Variants in PTPRG observed in about 807,000 individuals in gnomAD.
The protein encoded by PTPRG is receptor-type tyrosine-protein phosphatase gamma.
In PTPRG, 102 loss-of-function variants were observed where a neutral mutation model predicts 165.3. That is an observed-to-expected ratio of 0.62 (90% CI 0.53 to 0.73). The LOEUF is 0.73. Among genes scored for constraint, PTPRG ranks in the 30% least tolerant of loss-of-function variants. The pLI, the probability that PTPRG is intolerant of heterozygous loss-of-function variation, is 0.00. For missense variants in PTPRG, 1,866 were observed against 1,861.4 expected (o/e 1.00, Z -0.05); for synonymous variants, 675 against 669.5 (o/e 1.01, Z -0.13).
intron 10 of PTPRG, 88 bp from the exon 11 acceptor site, chr3:62,201,417 T>C (rs985668013): frequency 2.9e-6 from 3 of 1,048,460 alleles, no homozygotes; most frequent in Non-Finnish European, 4.2e-6. Flanking sequence ...GAAAATTATA[T>C]GTAATTCAGA....
chr3:61,684,569 T>C (rs1269661724), intron 1 of PTPRG, among the ~76,000 whole-genome samples: 1 of 152,068 alleles, frequency 6.6e-6, no homozygotes, highest in African/African-American at 2.4e-5. Context: ...CTAAGCCCAG[T>C]GTGGTTGTTA....
intron 12 of PTPRG, among the ~76,000 whole-genome samples, chr3:62,208,672 T>C (rs1301163802): frequency 6.6e-6 from 1 of 152,192 alleles, no homozygotes. Flanking sequence ...GCTATTCTGC[T>C]TTGAGACAGA....
chr3:61,800,769 G>A (rs1013215863), intron 2 of PTPRG, among the ~76,000 whole-genome samples: 1 of 151,396 alleles, frequency 6.6e-6, no homozygotes, highest in African/African-American at 2.4e-5. Context: ...TCAGCCTCCC[G>A]AGTAGCTGGG....
At chr3:61,732,690 C>G (rs2032555038) in intron 1 of PTPRG, among the ~76,000 whole-genome samples, 1 of 150,992 alleles carries the variant, frequency 6.6e-6, no homozygotes, top group Non-Finnish European at 1.5e-5. Context: ...GCGTGGGTGA[C>G]AGAGCGAGAC....
At chr3:61,810,567 A>G (rs1037969522) in intron 2 of PTPRG, among the ~76,000 whole-genome samples, 1 of 152,166 alleles carries the variant, frequency 6.6e-6, no homozygotes, top group Non-Finnish European at 1.5e-5. Flanking sequence ...CAATAAAGGC[A>G]GCAGTGTGTT....
rs1042619292 is a variant in PTPRG at position 62,228,349 on chromosome 3, C to T, written c.2289-2876C>T. On this transcript the variant is annotated intron_variant, in intron 13 of 29. Transcript: ENST00000474889. This position sits in a 1 kb window ranked among gnomAD's most constrained non-coding sequence, Gnocchi z 4.1. ...CAGCCTGGCCAAAATGGTGAAACCC[C>T]GTCTACTAAAAATACAAAAACAATT... 1.3e-5 allele frequency among the ~76,000 whole-genome samples: 2 copies of T among 151,646 alleles called. No homozygotes were observed. The highest frequency in any genetic ancestry group is 1.9e-4 in the East Asian group (1 of 5,172).
intron 2 of PTPRG, among the ~76,000 whole-genome samples, chr3:61,910,767 C>G (rs1559683655): frequency 1.3e-5 from 2 of 152,192 alleles, no homozygotes; most frequent in African/African-American, 4.8e-5. Context: ...ACAGAACCCC[C>G]TGCCTCTGTT....
chr3:62,085,987 C>T (rs1483728148), intron 5 of PTPRG, among the ~76,000 whole-genome samples: 1 of 152,092 alleles, frequency 6.6e-6, no homozygotes, highest in Non-Finnish European at 1.5e-5. Context: ...TCAAGTCAGG[C>T]AGATAAAATC....
chr3:61,974,958 G>C (rs13085295), intron 2 of PTPRG, among the ~76,000 whole-genome samples: 1 of 151,924 alleles, frequency 6.6e-6, no homozygotes, highest in Non-Finnish European at 1.5e-5. Flanking sequence ...CATTTAAATA[G>C]TGCTATAGCA....
At chr3:62,003,138 C>G (rs1334711419) in intron 3 of PTPRG, among the ~76,000 whole-genome samples, 5 of 151,918 alleles carry the variant, frequency 3.3e-5, no homozygotes, top group Non-Finnish European at 2.9e-5. Context: ...TGGAAAGTAT[C>G]ATGATTTAGG....
chr3:62,034,176 G>A (rs561374421), intron 4 of PTPRG, among the ~76,000 whole-genome samples: 1 of 152,358 alleles, frequency 6.6e-6, no homozygotes, highest in East Asian at 1.9e-4. Context: ...AGTCAGCCCT[G>A]TGGAACCCAA....
intron 14 of PTPRG, among the ~76,000 whole-genome samples, chr3:62,239,720 C>T (rs1701116928): frequency 6.6e-6 from 1 of 152,046 alleles, no homozygotes; most frequent in Non-Finnish European, 1.5e-5. Context: ...AATACTGCCT[C>T]CTTAAGTAGA....
chr3:61,693,789 T>A (rs879679919), intron 1 of PTPRG, among the ~76,000 whole-genome samples: 1 of 152,178 alleles, frequency 6.6e-6, no homozygotes, highest in South Asian at 2.1e-4. Context: ...GCAGATTGCC[T>A]GAGCTCAGGA....
At chr3:61,779,721 T>G (rs916233570) in intron 2 of PTPRG, among the ~76,000 whole-genome samples, 3 of 152,224 alleles carry the variant, frequency 2.0e-5, no homozygotes, top group Non-Finnish European at 4.4e-5. Context: ...TTATGTTGCA[T>G]AGATGCTGTT....
intron 2 of PTPRG, among the ~76,000 whole-genome samples, chr3:61,823,983 G>A (rs2036032933): frequency 6.6e-6 from 1 of 152,264 alleles, no homozygotes; most frequent in South Asian, 2.1e-4. Context: ...AATTAGCCAG[G>A]CGTGGTGGCG....
At chr3:61,797,591 A>AC (rs1009754096) in intron 2 of PTPRG, among the ~76,000 whole-genome samples, 6 of 72,902 alleles carry the variant, frequency 8.2e-5, no homozygotes, top group South Asian at 5.6e-4. Context: ...ACCCCCCCCC[A>AC]CCCCCCCACC....
intron 1 of PTPRG, among the ~76,000 whole-genome samples, chr3:61,730,389 T>C (rs1387317935): frequency 1.3e-5 from 2 of 152,186 alleles, no homozygotes; most frequent in Admixed American, 1.3e-4. Context: ...TGCAAACACA[T>C]CATTTTAGAG....
chr3:61,832,386 A>G (rs1348660991), intron 2 of PTPRG, among the ~76,000 whole-genome samples: 1 of 152,186 alleles, frequency 6.6e-6, no homozygotes, highest in African/African-American at 2.4e-5. Flanking sequence ...ACCCTATGAG[A>G]TAGGTACTGT....
chr3:62,257,799 A>AT (rs1242067632), intron 16 of PTPRG, among the ~76,000 whole-genome samples: 6 of 151,968 alleles, frequency 3.9e-5, no homozygotes. Flanking sequence ...TACAAAAAAA[A>AT]TTTTTTTTAA....
Sources: gnomAD v4.1 joint callset for allele counts (sites outside exome capture counted in the v4.1 genomes callset) on GRCh38, gnomAD v4.1.1 for gene constraint, Gnocchi (gnomAD v3.1) non-coding constraint, MANE v1.5 for transcripts, NCBI Gene and HGNC (gene_info 2026-07-23, HGNC 2026-07-21) for gene names.